Variants in MED13L observed in about 807,000 individuals in gnomAD.
MED13L encodes mediator of RNA polymerase II transcription subunit 13-like.
MED13L carries 7 observed loss-of-function variants against 220.9 expected under a neutral mutation model. The observed-to-expected ratio is 0.03, with a 90% CI of 0.02 to 0.06. The LOEUF is 0.06. Ranked by LOEUF, MED13L falls within the 10% of genes least tolerant of loss-of-function variation. The probability of loss-of-function intolerance (pLI) is 1.00; values close to 1 mark genes in which losing one functional copy is unlikely to be tolerated. For synonymous variants in MED13L, 1,011 were observed against 1,015.2 expected (o/e 1.00, Z 0.08); for missense variants, 1,965 against 2,760.5 (o/e 0.71, Z 6.46).
At chr12:116,113,185 A>C (rs1874225472) in intron 2 of MED13L, among the ~76,000 whole-genome samples, 1 of 152,204 alleles carries the variant, frequency 6.6e-6, no homozygotes, top group African/African-American at 2.4e-5. Flanking sequence ...TCACTGGTGC[A>C]GTATCTTCCT....
rs766024563 is a variant in MED13L, at chr12:115,969,024, G to A, written c.6141C>T (p.Leu2047=). Residue 2047 remains leucine (L), a synonymous_variant, in exon 28 of 31, where the codon CTC becomes CTT. Transcript: ENST00000281928. ...CTGGGGAAGAGTTGGGAGAGGAATG[G>A]AGGTTCCCAGTCATTAATATGCCAA... The part of the protein sequence containing the change: ...NDIGILMTGN[L]HSSPNSSPVP... 6.2e-7 allele frequency: 1 copy of A among 1,613,948 alleles called. No homozygotes were observed. Among genetic ancestry groups the A allele is most frequent in the South Asian group, 1.1e-5 (1 of 91,076 alleles).
intron 2 of MED13L, among the ~76,000 whole-genome samples, chr12:116,190,734 T>A (rs1428158793): frequency 6.6e-6 from 1 of 152,202 alleles, no homozygotes; most frequent in Non-Finnish European, 1.5e-5. Context: ...GTGAAAACGA[T>A]ACAATTTGAC....
At chr12:115,963,854 T>C (rs1417208874) in intron 29 of MED13L, among the ~76,000 whole-genome samples, 5 of 152,154 alleles carry the variant, frequency 3.3e-5, no homozygotes, top group Non-Finnish European at 5.9e-5. Flanking sequence ...GCAACAATTA[T>C]CAATATTCAC....
chr12:116,148,495 T>C lies in MED13L; in HGVS notation c.311-36983A>G, dbSNP rs57510420. ...ATGTCAATGACAAAAGTGTTTTATA[T>C]AGTAACCAGCTAAAGATAAAATCAC... On this transcript the variant is annotated intron_variant, in intron 2 of 30. Transcript: ENST00000281928. 6.7e-3 allele frequency: 2,044 copies of C among 304,732 alleles called. 41 individuals are homozygous for C. The highest frequency in any genetic ancestry group is 0.042 in the African/African-American group (1,845 of 44,000). 18.9% of individuals were successfully genotyped at this position (304,732 alleles called of 1,614,324 possible). A position where few individuals can be genotyped will look rare whatever the true frequency, so the allele number is the denominator to read the frequency against.
At chr12:116,195,115 T>C (rs1461819245) in intron 2 of MED13L, among the ~76,000 whole-genome samples, 2 of 152,226 alleles carry the variant, frequency 1.3e-5, no homozygotes, top group Non-Finnish European at 1.5e-5. Context: ...TCAGGAAGTA[T>C]GTCTTCTCAG....
chr12:115,978,242 G>A (rs1489162248), intron 23 of MED13L, among the ~76,000 whole-genome samples: 1 of 151,804 alleles, frequency 6.6e-6, no homozygotes, highest in African/African-American at 2.4e-5. Flanking sequence ...GAGGGTTGAT[G>A]AAAATGTTCT....
At chr12:116,112,064 T>A (rs1035642154) in intron 2 of MED13L, among the ~76,000 whole-genome samples, 1 of 152,182 alleles carries the variant, frequency 6.6e-6, no homozygotes, top group Non-Finnish European at 1.5e-5. Context: ...CCTGAATTTA[T>A]AATTTTGTTA....
chr12:115,982,567 C>T lies in MED13L; in HGVS notation c.4992G>A (p.Glu1664=). The T allele has an allele frequency of 3.7e-6, 6 of 1,614,126 alleles. No individual in the cohort carries two copies. The South Asian group carries it at 4.4e-5, about 12-fold the overall frequency. The part of the protein sequence containing the change: ...TERERIGIPT[E]PDSADSHAHP... The stretch of plus-strand genomic sequence containing the variant: ...GGGCATGGCTGTCTGCAGAGTCAGG[C>T]TCCGTGGGAATTCCTATTCTCTCCC... Residue 1664 remains glutamate, a synonymous_variant, in exon 22 of 31, where the codon GAG becomes GAA. Coordinates refer to ENST00000281928, the MANE Select transcript of MED13L (RefSeq NM_015335.5).
chr12:116,024,771 GGC>G lies in MED13L; in HGVS notation c.480-2172_480-2171del, dbSNP rs1491208534. 4.2e-4 allele frequency among the ~76,000 whole-genome samples: 29 copies of G among 68,752 alleles called. 1 individual carries two copies. The highest frequency in any genetic ancestry group is 8.7e-4 in the South Asian group (1 of 1,146). 45.1% of individuals were successfully genotyped at this position (68,752 alleles called of 152,430 possible). On this transcript the variant is annotated intron_variant, in intron 4 of 30. Coordinates refer to ENST00000281928, the MANE Select transcript of MED13L (RefSeq NM_015335.5). ...GTAGTTTCATGCTTTTTTTTGGCGGGGCGGGGGGGGGGGGGAGGTGATCTTGT... is the reference window on the plus strand; with the variant it reads ...GTAGTTTCATGCTTTTTTTTGGCGGGGGGGGGGGGGGGGAGGTGATCTTGT...
chr12:116,232,752 A>C (rs1172809853), intron 2 of MED13L, among the ~76,000 whole-genome samples: 1 of 152,108 alleles, frequency 6.6e-6, no homozygotes, highest in African/African-American at 2.4e-5. Context: ...CCCACCACTA[A>C]CTAACAGGCA....
intron 2 of MED13L, among the ~76,000 whole-genome samples, chr12:116,156,014 T>G (rs565226808): frequency 1.4e-4 from 22 of 152,254 alleles, no homozygotes; most frequent in African/African-American, 5.3e-4. Context: ...AGGGAAAAAT[T>G]TCTGTGCAAT....
At chr12:116,248,754 T>C (rs1335747481) in intron 1 of MED13L, among the ~76,000 whole-genome samples, 1 of 152,260 alleles carries the variant, frequency 6.6e-6, no homozygotes, top group Non-Finnish European at 1.5e-5. Flanking sequence ...ACAATTACTC[T>C]GGTTCTATAA....
chr12:116,241,639 T>C (rs1252069373), intron 1 of MED13L, among the ~76,000 whole-genome samples: 1 of 152,220 alleles, frequency 6.6e-6, no homozygotes, highest in East Asian at 1.9e-4. Flanking sequence ...TGCTACCACC[T>C]AATCTGTTTT....
At chr12:116,013,780 C>G (rs1398423859) in intron 8 of MED13L, among the ~76,000 whole-genome samples, 1 of 152,162 alleles carries the variant, frequency 6.6e-6, no homozygotes, top group African/African-American at 2.4e-5. Context: ...ACAGCAGATA[C>G]TGCAAAGTGT....
At chr12:116,246,519 G>C (rs1340809257) in intron 1 of MED13L, among the ~76,000 whole-genome samples, 1 of 151,080 alleles carries the variant, frequency 6.6e-6, no homozygotes, top group Non-Finnish European at 1.5e-5. Context: ...TTAAGTTTTA[G>C]AAAAGTAAGC....
Position 116,015,277 on chromosome 12 carries a change from G to GA in MED13L, c.1010-4dup, listed in dbSNP as rs771044608. ...ACTCTGCATACCTCCACTCTCACCT[G>GA]AAAAAAAAGGCAATTTGGAATGTTA... On this transcript the variant is annotated splice_polypyrimidine_tract_variant and splice_region_variant and intron_variant, in intron 7 of 30. Coordinates refer to ENST00000281928, the MANE Select transcript of MED13L (RefSeq NM_015335.5). 6.6e-5 allele frequency: 107 copies of GA among 1,612,376 alleles called. No individual in the cohort carries two copies. Among genetic ancestry groups the GA allele is most frequent in the Non-Finnish European group, 8.7e-5 (103 of 1,179,056 alleles).
At chr12:116,137,762 A>C (rs2138032872) in intron 2 of MED13L, among the ~76,000 whole-genome samples, 1 of 152,192 alleles carries the variant, frequency 6.6e-6, no homozygotes, top group East Asian at 1.9e-4. Flanking sequence ...GACAACTTGT[A>C]TAAACTTGTC....
rs556257982 is a variant in MED13L at position 116,164,472 on chromosome 12, C to T, written c.311-52960G>A. On this transcript the variant is annotated intron_variant, in intron 2 of 30. Coordinates refer to ENST00000281928, the MANE Select transcript of MED13L (RefSeq NM_015335.5). ...TTTATTTATTTAACTGAAACAGAGG[C>T]TGCTGCAGCTGCAGGAGCCTTTTCT... Among the ~76,000 whole-genome samples, 46 of 152,232 alleles carry T rather than the reference C, an allele frequency of 3.0e-4. No homozygotes were observed. In the South Asian group the frequency reaches 7.5e-3, roughly 25 times the overall value.
chr12:116,040,795 C>CAA lies in MED13L; in HGVS notation c.480-18196_480-18195dup, dbSNP rs59484926. Among the ~76,000 whole-genome samples the CAA allele has an allele frequency of 6.6e-3, 614 of 92,506 alleles. 5 individuals are homozygous for CAA. Among genetic ancestry groups the CAA allele is most frequent in the African/African-American group, 0.023 (565 of 24,356 alleles). 60.7% of individuals were successfully genotyped at this position (92,506 alleles called of 152,430 possible). A position where few individuals can be genotyped will look rare whatever the true frequency, so the allele number is the denominator to read the frequency against. On this transcript the variant is annotated intron_variant, in intron 4 of 30. Transcript: ENST00000281928. ...TAGCTTGTATATGTTTAGGAGTCCT[C>CAA]AAAAAAAAAAAAAAAATGAAAGGGG... is the stretch of plus-strand genomic sequence containing the variant.
Sources: allele counts gnomAD v4.1 joint callset (sites outside exome capture counted in the v4.1 genomes callset), GRCh38; gene constraint gnomAD v4.1.1; transcripts MANE v1.5; gene names NCBI Gene and HGNC (gene_info 2026-07-23, HGNC 2026-07-21).